The following UACA variants were observed in gnomAD, a reference collection of about 807,000 sequenced individuals.
The protein encoded by UACA is nuclear membrane binding protein.
A neutral mutation model predicts 160.5 loss-of-function variants in UACA; 112 were observed. The ratio of observed to expected loss-of-function variants is 0.70; its 90% CI spans 0.60 to 0.82. The LOEUF (loss-of-function observed/expected upper bound fraction) is 0.82. UACA is among the 40% of genes least tolerant of loss of function. UACA has a pLI of 0.00. For missense variants in UACA, 1,574 were observed against 1,614.6 expected (o/e 0.97, Z 0.43); for synonymous variants, 557 against 568.4 (o/e 0.98, Z 0.29).
chr15:70,724,349 A>G (rs1595911265), intron 1 of UACA, among the ~76,000 whole-genome samples: 1 of 152,252 alleles, frequency 6.6e-6, no homozygotes, highest in East Asian at 1.9e-4. Flanking sequence ...AATAATACTC[A>G]GAAATATATT....
intron 8 of UACA, among the ~76,000 whole-genome samples, chr15:70,683,985 AACTT>A (rs1171080990): frequency 3.6e-4 from 54 of 152,112 alleles, no homozygotes; most frequent in Admixed American, 9.2e-4. Context: ...AAAAAAAAAA[AACTT>A]AGTAAAACAC....
At position 70,656,875 on chromosome 15, in the gene UACA, C is replaced by T; in HGVS notation, c.*181G>A. On this transcript the variant is annotated 3_prime_UTR_variant, in exon 19 of 19. Transcript: ENST00000322954. ...ATTAACACATACAGAAAATAAGATT[C>T]AAACTGATATTGAAAAAGACTAACA... The T allele has an allele frequency of 2.1e-6, 1 of 482,016 alleles. No homozygotes were observed. The highest frequency in any genetic ancestry group is 3.7e-6 in the Non-Finnish European group (1 of 271,754). The allele number at this position is 482,016 out of a possible 1,614,324, so 29.9% of individuals were successfully genotyped here. A position where few individuals can be genotyped will look rare whatever the true frequency, so the allele number is the denominator to read the frequency against.
chr15:70,728,551 G>A (rs529241882), intron 1 of UACA, among the ~76,000 whole-genome samples: 115 of 125,788 alleles, frequency 9.1e-4, no homozygotes, highest in African/African-American at 3.3e-3. Context: ...AAACAAGAGC[G>A]AAACCCCATC....
intron 16 of UACA, 93 bp from the exon 17 acceptor site, chr15:70,664,907 G>T: frequency 8.3e-7 from 1 of 1,200,496 alleles, no homozygotes; most frequent in Non-Finnish European, 1.1e-6. Context: ...GGAGACAGAA[G>T]CTTTATCTTT....
At position 70,684,219 on chromosome 15, in the gene UACA, C is replaced by T. The variant is rs112062539; in HGVS notation, c.784+46G>A. ...ACTACCTAAGTCTTTTAAAAAGTGGCTCTTTGTTAATGTGGACTTTTCTAG... is the reference window on the plus strand; with the variant it reads ...ACTACCTAAGTCTTTTAAAAAGTGGTTCTTTGTTAATGTGGACTTTTCTAG... On this transcript the variant is annotated intron_variant, in intron 8 of 18. Coordinates refer to ENST00000322954, the MANE Select transcript of UACA (RefSeq NM_018003.4). 2.1e-3 allele frequency: 3,255 copies of T among 1,518,534 alleles called. 65 individuals are homozygous for T. In the African/African-American group the frequency reaches 0.041, roughly 19 times the overall value. The allele number at this position is 1,518,534 out of a possible 1,614,324, so 94.1% of individuals were successfully genotyped here.
At chr15:70,713,228 G>A (rs908618056) in intron 1 of UACA, among the ~76,000 whole-genome samples, 3 of 152,180 alleles carry the variant, frequency 2.0e-5, no homozygotes, top group Non-Finnish European at 2.9e-5. Flanking sequence ...GCCGGCGCCT[G>A]TAGTCCCAGC....
At chr15:70,763,626 G>A (rs1004447969), upstream of UACA, 25 of 880,026 alleles carry the variant, frequency 2.8e-5, no homozygotes, top group East Asian at 4.7e-4. Context: ...GTGGCAAACC[G>A]CGACCAATCG....
intron 17 of UACA, among the ~76,000 whole-genome samples, chr15:70,664,430 T>C (rs1896830530): frequency 1.3e-5 from 2 of 152,252 alleles, no homozygotes; most frequent in East Asian, 1.9e-4. Context: ...ATGATGAAGA[T>C]AAAGTTTATA....
In UACA at chr15:70,701,275, C is replaced by T. The variant is rs530925895; in HGVS notation, c.79-1615G>A. ...CCTACCTATGGGCTCCAAGTCTAAG[C>T]TACATTTTACGCATCACCTTTCTTA... is the stretch of plus-strand genomic sequence containing the variant. On this transcript the variant is annotated intron_variant, in intron 1 of 18. Coordinates refer to ENST00000322954, the MANE Select transcript of UACA (RefSeq NM_018003.4). 9.2e-5 allele frequency among the ~76,000 whole-genome samples: 14 copies of T among 152,280 alleles called. No homozygotes were observed. The South Asian group carries it at 2.9e-3, about 32-fold the overall frequency.
chr15:70,725,368 A>C (rs1027920591), intron 1 of UACA, among the ~76,000 whole-genome samples: 1 of 152,204 alleles, frequency 6.6e-6, no homozygotes, highest in Admixed American at 6.5e-5. Flanking sequence ...ATATGGATAA[A>C]TCAAGCTTAG....
At position 70,729,896 on chromosome 15, in the gene UACA, C is replaced by A. The variant is rs1378752632; in HGVS notation, c.79-30236G>T. ...AGCAGGGGCACACTGACACCTCACA[C>A]GGCAGGGTATTCCAACAGACCTGCA... is the stretch of plus-strand genomic sequence containing the variant. On this transcript the variant is annotated intron_variant, in intron 1 of 18. Coordinates refer to ENST00000322954, the MANE Select transcript of UACA (RefSeq NM_018003.4). 2.4e-3 allele frequency among the ~76,000 whole-genome samples: 276 copies of A among 116,616 alleles called. 16 individuals carry two copies. Among genetic ancestry groups the A allele is most frequent in the African/African-American group, 0.011 (251 of 23,088 alleles). The allele number at this position is 116,616 out of a possible 152,430, so 76.5% of individuals were successfully genotyped here.
chr15:70,697,068 T>C (rs1898155624), intron 2 of UACA, among the ~76,000 whole-genome samples: 1 of 152,192 alleles, frequency 6.6e-6, no homozygotes, highest in Admixed American at 6.5e-5. Context: ...AAAAATCAAC[T>C]CTATGTTTTC....
At chr15:70,699,474 C>T in intron 2 of UACA, 53 bp downstream of exon 2, 1 of 1,585,652 alleles carries the variant, frequency 6.3e-7, no homozygotes, top group East Asian at 2.2e-5. Context: ...CATTTGTATC[C>T]CAAGACTATC....
At chr15:70,720,879 A>T (rs1898969628) in intron 1 of UACA, among the ~76,000 whole-genome samples, 1 of 152,196 alleles carries the variant, frequency 6.6e-6, no homozygotes, top group Non-Finnish European at 1.5e-5. Context: ...CCTGAGCAGA[A>T]GATTTAACAG....
At chr15:70,759,148 C>G (rs1430138259) in intron 1 of UACA, among the ~76,000 whole-genome samples, 3 of 152,188 alleles carry the variant, frequency 2.0e-5, no homozygotes, top group African/African-American at 7.2e-5. Context: ...TCTAAAATGT[C>G]TGCTTACAAT....
At chr15:70,657,487 C>T (rs1361589593) in intron 18 of UACA, among the ~76,000 whole-genome samples, 1 of 151,908 alleles carries the variant, frequency 6.6e-6, no homozygotes, top group African/African-American at 2.4e-5. Flanking sequence ...CCCAGCTACT[C>T]GGGAGGCTGA....
intron 1 of UACA, among the ~76,000 whole-genome samples, chr15:70,718,447 G>T (rs527449373): frequency 1.3e-5 from 2 of 149,278 alleles, no homozygotes; most frequent in Non-Finnish European, 3.0e-5. Context: ...AATGTGAATA[G>T]AAGTGAGGTA....
At chr15:70,766,698 A>G (rs2031016065), upstream of UACA, among the ~76,000 whole-genome samples, 1 of 152,186 alleles carries the variant, frequency 6.6e-6, no homozygotes, top group South Asian at 2.1e-4. Flanking sequence ...ATCGTGTAGT[A>G]AGATTGCAGA....
At chr15:70,689,814 T>C (rs1306666855) in intron 5 of UACA, among the ~76,000 whole-genome samples, 3 of 152,044 alleles carry the variant, frequency 2.0e-5, no homozygotes, top group Admixed American at 1.3e-4. Flanking sequence ...TGCAAATAAA[T>C]TTAGACACAC....
Sources: gnomAD v4.1 joint callset for allele counts (sites outside exome capture counted in the v4.1 genomes callset) on GRCh38, gnomAD v4.1.1 for gene constraint, MANE v1.5 for transcripts, NCBI Gene and HGNC (gene_info 2026-07-23, HGNC 2026-07-21) for gene names.